The following AIG1 variants were observed in gnomAD, a reference collection of about 807,000 sequenced individuals.
The protein encoded by AIG1 is androgen induced 1.
Under a neutral mutation model 31.4 loss-of-function variants are expected in AIG1, and 23 were observed. The ratio of observed to expected loss-of-function variants is 0.73; its 90% confidence interval spans 0.53 to 1.04. AIG1 has a LOEUF of 1.04. Ranked by LOEUF, AIG1 falls within the 50% of genes least tolerant of loss-of-function variation. The pLI is 0.00. For missense variants in AIG1, 274 were observed against 295.0 expected (o/e 0.93, Z 0.52); for synonymous variants, 100 against 110.5 (o/e 0.90, Z 0.60).
intron 3 of AIG1, among the ~76,000 whole-genome samples, chr6:143,168,386 T>A (rs1202485088): frequency 1.3e-5 from 2 of 151,646 alleles, no homozygotes; most frequent in Non-Finnish European, 2.9e-5. Context: ...TAGGTATATC[T>A]CCTAATGCTA....
rs1789502891 is a variant in AIG1, at chr6:143,188,684, AC to A, written c.399+23505del. 1.1e-5 allele frequency: 11 copies of A among 984,616 alleles called. 1 individual carries two copies. The highest frequency in any genetic ancestry group is 1.2e-5 in the Non-Finnish European group (10 of 829,242). The allele number at this position is 984,616 out of a possible 1,614,324, so 61.0% of individuals were successfully genotyped here. ...ATAAATAAATAAATAGGACCATCCAACCCCTCTAGAGCTCTCTAAGGAGACT... is the reference window on the plus strand; with the variant it reads ...ATAAATAAATAAATAGGACCATCCAACCCTCTAGAGCTCTCTAAGGAGACT... On this transcript the variant is annotated intron_variant, in intron 3 of 5. Coordinates refer to ENST00000357847, the MANE Select transcript of AIG1 (RefSeq NM_016108.4).
intron 1 of AIG1, among the ~76,000 whole-genome samples, chr6:143,081,354 A>G (rs1220487445): frequency 5.3e-5 from 8 of 152,128 alleles, no homozygotes; most frequent in Admixed American, 5.2e-4. Context: ...ACCTCAGGGA[A>G]GTCCGAATCT....
intron 5 of AIG1, among the ~76,000 whole-genome samples, chr6:143,337,383 G>T (rs1379840676): frequency 6.6e-6 from 1 of 151,946 alleles, no homozygotes; most frequent in Non-Finnish European, 1.5e-5. Context: ...CGTGAGTCAC[G>T]TACCTAATTT....
At chr6:143,079,423 T>A (rs1158775185) in intron 1 of AIG1, among the ~76,000 whole-genome samples, 1 of 151,962 alleles carries the variant, frequency 6.6e-6, no homozygotes, top group Non-Finnish European at 1.5e-5. Context: ...CCCTTATGGG[T>A]CCTTATTTAT....
rs578079214 is a variant in AIG1 at position 143,253,657 on chromosome 6, C to T, written c.400-30453C>T. On this transcript the variant is annotated intron_variant, in intron 3 of 5. Coordinates refer to ENST00000357847, the MANE Select transcript of AIG1 (RefSeq NM_016108.4). ...TACTGTGTAGTTATTCTATGAAGTC[C>T]TCGGTTTTTGCACTGAAAATCTAAA... 1.0e-3 allele frequency among the ~76,000 whole-genome samples: 157 copies of T among 152,272 alleles called. 1 individual carries two copies. Among genetic ancestry groups the T allele is most frequent in the African/African-American group, 3.7e-3 (155 of 41,544 alleles).
At chr6:143,190,760 A>G (rs1304149006) in intron 3 of AIG1, among the ~76,000 whole-genome samples, 2 of 152,262 alleles carry the variant, frequency 1.3e-5, no homozygotes, top group Admixed American at 6.5e-5. Flanking sequence ...CTACATTATC[A>G]TCATTTATAT....
intron 4 of AIG1, among the ~76,000 whole-genome samples, chr6:143,296,086 TACAC>T (rs1008728584): frequency 6.6e-6 from 1 of 151,696 alleles, no homozygotes; most frequent in African/African-American, 2.4e-5. Context: ...CGCACACACA[TACAC>T]ACACACCCCT....
chr6:143,215,914 A>G (rs945337749), intron 3 of AIG1, among the ~76,000 whole-genome samples: 1 of 152,188 alleles, frequency 6.6e-6, no homozygotes, highest in African/African-American at 2.4e-5. Flanking sequence ...CTCTGCTGTC[A>G]TAATTCAAAA....
intron 3 of AIG1, among the ~76,000 whole-genome samples, chr6:143,232,433 G>T (rs1388608437): frequency 6.6e-6 from 1 of 152,158 alleles, no homozygotes; most frequent in African/African-American, 2.4e-5. Context: ...AAACCATGGT[G>T]CACAGGCAGT....
At chr6:143,205,593 A>G (rs1791049096) in intron 3 of AIG1, among the ~76,000 whole-genome samples, 2 of 152,232 alleles carry the variant, frequency 1.3e-5, no homozygotes, top group Non-Finnish European at 1.5e-5. Context: ...GATGTAAAGT[A>G]CACAAATTGG....
chr6:143,136,786 T>C (rs764854409), intron 1 of AIG1, 49 bp from the exon 2 acceptor site: 4 of 1,316,304 alleles, frequency 3.0e-6, no homozygotes, highest in South Asian at 6.0e-5. Flanking sequence ...GTTCCACAGC[T>C]TGGGTCTCCA....
rs987113282 is a variant in AIG1 at position 143,284,956 on chromosome 6, A to G, written c.515+731A>G. 3.3e-5 allele frequency among the ~76,000 whole-genome samples: 5 copies of G among 152,170 alleles called. No homozygotes were observed. The highest frequency in any genetic ancestry group is 9.7e-5 in the African/African-American group (4 of 41,448). On this transcript the variant is annotated intron_variant, in intron 4 of 5. Coordinates refer to ENST00000357847, the MANE Select transcript of AIG1 (RefSeq NM_016108.4). This position sits in a 1 kb window ranked among gnomAD's most constrained non-coding sequence, Gnocchi z 4.4. ...TTTATAATTCCAAGTCCTCTTTGACATATTAACACGCACAGAGGAGGTCCC... is the reference window on the plus strand; with the variant it reads ...TTTATAATTCCAAGTCCTCTTTGACGTATTAACACGCACAGAGGAGGTCCC...
intron 1 of AIG1, among the ~76,000 whole-genome samples, chr6:143,080,802 A>G (rs528207129): frequency 2.6e-4 from 39 of 152,110 alleles, no homozygotes; most frequent in African/African-American, 9.2e-4. Flanking sequence ...AGTGTGACTT[A>G]TCCAAGACTC....
intron 5 of AIG1, chr6:143,335,522 C>T (rs1182167546): frequency 8.8e-6 from 1 of 113,152 alleles, no homozygotes; most frequent in African/African-American, 3.7e-5. Context: ...CAGAACAAGA[C>T]TCCATCTCAA....
In AIG1 at chr6:143,189,010, C is replaced by T. The variant is rs981882803; in HGVS notation, c.399+23827C>T. 6.1e-6 allele frequency: 6 copies of T among 984,292 alleles called. 1 individual carries two copies. The highest frequency in any genetic ancestry group is 7.2e-6 in the Non-Finnish European group (6 of 829,092). The allele number at this position is 984,292 out of a possible 1,614,324, so 61.0% of individuals were successfully genotyped here. On this transcript the variant is annotated intron_variant, in intron 3 of 5. Coordinates refer to ENST00000357847, the MANE Select transcript of AIG1 (RefSeq NM_016108.4). ...TAAAAGTCAAAGTTATAGATTATAACTGTTTGCACAACTGTTCACATTTTT... is the reference window on the plus strand; with the variant it reads ...TAAAAGTCAAAGTTATAGATTATAATTGTTTGCACAACTGTTCACATTTTT...
chr6:143,333,291 G>A lies in AIG1; in HGVS notation c.525G>A (p.Trp175Ter), dbSNP rs112686137. Residue 175 changes from tryptophan to a stop codon, truncating the protein, a stop_gained, in exon 5 of 6, where the codon TGG becomes TGA. Transcript: ENST00000357847. LOFTEE classifies it high-confidence loss of function. The surrounding 1 kb of genome is among the most constrained non-coding windows in gnomAD (Gnocchi z 4.6). ...TCCGATTCTTTTGCAGGGTGTGCTG[G>A]GTGCATCATGTAACTGGCATGTGGG... ...FSVGYILWVCWVHHVTGMWVY... is the reference protein window; with the variant it reads ...FSVGYILWVC 1 of 1,611,088 alleles carries A rather than the reference G, an allele frequency of 6.2e-7. No homozygotes were observed. The highest frequency in any genetic ancestry group is 8.5e-7 in the Non-Finnish European group (1 of 1,178,946).
At chr6:143,307,774 C>T (rs1204026871) in intron 4 of AIG1, among the ~76,000 whole-genome samples, 1 of 152,226 alleles carries the variant, frequency 6.6e-6, no homozygotes, top group Admixed American at 6.5e-5. Flanking sequence ...TTACTGCTGT[C>T]TTTTTGTTTG....
At chr6:143,251,272 G>A (rs941536738) in intron 3 of AIG1, among the ~76,000 whole-genome samples, 3 of 152,150 alleles carry the variant, frequency 2.0e-5, no homozygotes, top group South Asian at 4.2e-4. Flanking sequence ...GGCTGGTCTC[G>A]AACTCCCGGC....
rs145128637 is a variant in AIG1, at chr6:143,268,532, AG to A, written c.400-15574del. On this transcript the variant is annotated intron_variant, in intron 3 of 5. Coordinates refer to ENST00000357847, the MANE Select transcript of AIG1 (RefSeq NM_016108.4). The surrounding 1 kb of genome is among the most constrained non-coding windows in gnomAD (Gnocchi z 5.0). Reference sequence around the variant, plus strand: ...TGTGCATGACCATATATAAAATTACAGGGGCTGACTATAGCACCAAAATTAG... The same window carrying A: ...TGTGCATGACCATATATAAAATTACAGGGCTGACTATAGCACCAAAATTAG... Among the ~76,000 whole-genome samples the A allele has an allele frequency of 0.012, 1,878 of 152,346 alleles. 25 individuals are homozygous for A. Among genetic ancestry groups the A allele is most frequent in the African/African-American group, 0.043 (1,776 of 41,586 alleles).
Sources: allele counts gnomAD v4.1 joint callset (sites outside exome capture counted in the v4.1 genomes callset), GRCh38; gene constraint gnomAD v4.1.1; non-coding constraint Gnocchi (gnomAD v3.1); transcripts MANE v1.5; gene names NCBI Gene and HGNC (gene_info 2026-07-23, HGNC 2026-07-21).